The following RNF150 variants were observed in gnomAD, a reference collection of about 807,000 sequenced individuals.
RNF150 encodes the protein ring finger protein 150.
In RNF150, 24 loss-of-function variants were observed where a neutral mutation model predicts 39.3. The ratio of observed to expected loss-of-function variants is 0.61; its 90% CI spans 0.44 to 0.86. RNF150 has a LOEUF of 0.86. Among genes scored for constraint, RNF150 ranks in the 40% least tolerant of loss-of-function variants. The pLI is 0.00. For synonymous variants in RNF150, 255 were observed against 227.3 expected (o/e 1.12, Z -1.10); for missense variants, 502 against 587.8 (o/e 0.85, Z 1.51).
intron 4 of RNF150, among the ~76,000 whole-genome samples, chr4:140,935,996 A>G (rs1291933807): frequency 6.6e-6 from 1 of 152,138 alleles, no homozygotes; most frequent in African/African-American, 2.4e-5. Flanking sequence ...ACCATATATT[A>G]GTTTTCCCTG....
At chr4:140,965,225 A>C (rs1038192564) in intron 2 of RNF150, among the ~76,000 whole-genome samples, 11 of 152,302 alleles carry the variant, frequency 7.2e-5, no homozygotes, top group South Asian at 2.1e-4. Context: ...TATCATGCAG[A>C]AAACAAGAGC....
At chr4:141,133,476 G>C (rs1726965129), upstream of RNF150, 1 of 145,990 alleles carries the variant, frequency 6.8e-6, no homozygotes, top group Non-Finnish European at 1.4e-5. Context: ...GTATGTTTGT[G>C]TGTGTGTGTG....
At chr4:141,075,689 T>G (rs1005639698) in intron 1 of RNF150, among the ~76,000 whole-genome samples, 1 of 152,242 alleles carries the variant, frequency 6.6e-6, no homozygotes, top group Non-Finnish European at 1.5e-5. Context: ...CTTAAATTTT[T>G]TCCATTTAGT....
chr4:140,910,059 A>G (rs563396206), intron 6 of RNF150, among the ~76,000 whole-genome samples: 30 of 152,284 alleles, frequency 2.0e-4, no homozygotes, highest in African/African-American at 6.7e-4. Context: ...GATTTTTTTC[A>G]TTCTTTTTTT....
chr4:141,178,640 G>A (rs1375547133), intron 1 of RNF150, among the ~76,000 whole-genome samples: 2 of 152,132 alleles, frequency 1.3e-5, no homozygotes, highest in African/African-American at 4.8e-5. Flanking sequence ...CTTAGGGTTA[G>A]TGGGGGAGCG....
At chr4:141,005,919 A>T (rs1284935604) in intron 1 of RNF150, among the ~76,000 whole-genome samples, 1 of 147,422 alleles carries the variant, frequency 6.8e-6, no homozygotes, top group East Asian at 1.9e-4. Context: ...ATACAAAAAA[A>T]TTAGCCGGGC....
At chr4:141,056,760 G>C (rs552861490) in intron 1 of RNF150, among the ~76,000 whole-genome samples, 2 of 151,916 alleles carry the variant, frequency 1.3e-5, no homozygotes. Context: ...TCCCATCTGG[G>C]AGCCCTGGTC....
intron 1 of RNF150, among the ~76,000 whole-genome samples, chr4:141,204,781 C>T (rs1416410176): frequency 6.6e-6 from 1 of 152,112 alleles, no homozygotes; most frequent in Admixed American, 6.5e-5. Context: ...TTTACACTTG[C>T]TGAGTTGGTT....
chr4:140,913,838 T>A (rs1267969208), intron 5 of RNF150, among the ~76,000 whole-genome samples: 1 of 152,206 alleles, frequency 6.6e-6, no homozygotes, highest in Admixed American at 6.5e-5. Context: ...AACTTGGGCA[T>A]GATCTGCCCT....
chr4:141,057,777 G>T (rs184162641), intron 1 of RNF150, among the ~76,000 whole-genome samples: 64 of 152,096 alleles, frequency 4.2e-4, no homozygotes, highest in Non-Finnish European at 7.5e-4. Flanking sequence ...GCAAACCTCG[G>T]CAAGAGACCA....
intron 1 of RNF150, among the ~76,000 whole-genome samples, chr4:141,093,151 G>A (rs1738653437): frequency 6.6e-6 from 1 of 152,152 alleles, no homozygotes; most frequent in South Asian, 2.1e-4. Flanking sequence ...TAGATTACAA[G>A]GTCAGGAGAT....
chr4:140,862,445 A>G lies in RNF150; in HGVS notation c.*5816T>C, dbSNP rs1444686842. 6.6e-6 allele frequency: 1 copy of G among 152,000 alleles called. No individual in the cohort carries two copies. Among genetic ancestry groups the G allele is most frequent in the Non-Finnish European group, 1.5e-5 (1 of 68,030 alleles). The allele number at this position is 152,000 out of a possible 1,614,324, so 9.4% of individuals were successfully genotyped here. A position where few individuals can be genotyped will look rare whatever the true frequency, so the allele number is the denominator to read the frequency against. On this transcript the variant is annotated 3_prime_UTR_variant, in exon 7 of 7. Transcript: ENST00000515673. The stretch of plus-strand genomic sequence containing the variant: ...GACTGACCTTAGCAGGTTCTTGTAG[A>G]ACAAGCAGGATTGCAATCAAATTGC...
upstream of RNF150, among the ~76,000 whole-genome samples, chr4:141,136,058 A>C (rs1403852663): frequency 6.6e-6 from 1 of 152,248 alleles, no homozygotes; most frequent in Non-Finnish European, 1.5e-5. Context: ...TCTTAAACTT[A>C]TGAGAGACAG....
At chr4:140,888,734 C>A (rs1362279348) in intron 6 of RNF150, among the ~76,000 whole-genome samples, 1 of 152,166 alleles carries the variant, frequency 6.6e-6, no homozygotes, top group Non-Finnish European at 1.5e-5. Flanking sequence ...CTTCTTGTTT[C>A]CTTACTAGGC....
chr4:141,177,668 A>G (rs1727836571), intron 1 of RNF150, among the ~76,000 whole-genome samples: 1 of 152,120 alleles, frequency 6.6e-6, no homozygotes, highest in Admixed American at 6.5e-5. Context: ...ATTATTTTTC[A>G]CACTCAGTTC....
intron 1 of RNF150, among the ~76,000 whole-genome samples, chr4:140,977,852 G>C (rs1313857487): frequency 4.6e-5 from 7 of 152,024 alleles, no homozygotes; most frequent in African/African-American, 1.7e-4. Context: ...AGTCATCCTA[G>C]ACCATGAATA....
chr4:141,112,387 T>C (rs867734863), intron 1 of RNF150, among the ~76,000 whole-genome samples: 2 of 152,206 alleles, frequency 1.3e-5, no homozygotes, highest in Admixed American at 1.3e-4. Flanking sequence ...CCATATTTAG[T>C]GCTTCTTTCA....
chr4:141,112,261 C>T (rs1387195159), intron 1 of RNF150, among the ~76,000 whole-genome samples: 1 of 152,084 alleles, frequency 6.6e-6, no homozygotes, highest in Non-Finnish European at 1.5e-5. Flanking sequence ...GAATTTGATC[C>T]TGTCATTATG....
At chr4:141,035,425 TAGTGGATAAATGG>T (rs1356942134) in intron 1 of RNF150, among the ~76,000 whole-genome samples, 29 of 152,276 alleles carry the variant, frequency 1.9e-4, no homozygotes, top group African/African-American at 6.5e-4. Context: ...TGCTATGACT[TAGTGGATAAATGG>T]AGAAGAGGAC....
Sources: gnomAD v4.1 joint callset for allele counts (sites outside exome capture counted in the v4.1 genomes callset) on GRCh38, gnomAD v4.1.1 for gene constraint, MANE v1.5 for transcripts, NCBI Gene and HGNC (gene_info 2026-07-23, HGNC 2026-07-21) for gene names.